Variants in NCOR2 observed in about 807,000 individuals in gnomAD.
The protein encoded by NCOR2 is nuclear receptor corepressor 2.
A neutral mutation model predicts 262.9 loss-of-function variants in NCOR2; 81 were observed. That is an observed-to-expected ratio of 0.31 (90% confidence interval 0.26 to 0.37). NCOR2 has a LOEUF of 0.37. NCOR2 is among the 10% of genes least tolerant of loss of function. The probability of loss-of-function intolerance (pLI) is 1.00; values close to 1 mark genes in which losing one functional copy is unlikely to be tolerated. For synonymous variants in NCOR2, 1,659 were observed against 1,559.3 expected (o/e 1.06, Z -1.51); for missense variants, 3,385 against 3,621.4 (o/e 0.93, Z 1.68).
chr12:124,330,721 C>A, intron 44 of NCOR2, 124 bp downstream of exon 46: 1 of 1,107,434 alleles, frequency 9.0e-7, no homozygotes, highest in Non-Finnish European at 1.3e-6. Context: ...GTTAGTTCAT[C>A]CCAGAATGAG....
chr12:124,466,352 A>G (rs1162982561), intron 4 of NCOR2, 66 bp from the exon 7 acceptor site: 3 of 1,481,972 alleles, frequency 2.0e-6, no homozygotes, highest in Middle Eastern at 2.0e-4. Context: ...TGCAGCCCCC[A>G]GGGCGCGGGG....
chr12:124,445,336 C>T (rs540364987), intron 7 of NCOR2, among the ~76,000 whole-genome samples: 43 of 152,322 alleles, frequency 2.8e-4, no homozygotes, highest in Non-Finnish European at 5.6e-4. Context: ...GCGGCTGCCC[C>T]GGCCCCGCCC....
At chr12:124,466,093 G>T in intron 5 of NCOR2, 80 bp downstream of exon 7, 1 of 1,335,388 alleles carries the variant, frequency 7.5e-7, no homozygotes. Context: ...TGGAAACACT[G>T]AGGCCTGATT....
At chr12:124,524,661 C>T (rs554035579) in intron 1 of NCOR2, among the ~76,000 whole-genome samples, 1 of 152,248 alleles carries the variant, frequency 6.6e-6, no homozygotes, top group Non-Finnish European at 1.5e-5. Flanking sequence ...TAGCCTAACT[C>T]GGCTCGAGTG....
At chr12:124,519,489 A>G (rs957294020) in intron 1 of NCOR2, among the ~76,000 whole-genome samples, 2 of 152,120 alleles carry the variant, frequency 1.3e-5, no homozygotes, top group Non-Finnish European at 2.9e-5. Context: ...GGCAGATGTG[A>G]AGGTCTGGAG....
intron 1 of NCOR2, among the ~76,000 whole-genome samples, chr12:124,565,171 G>T (rs1361513239): frequency 6.6e-6 from 1 of 152,166 alleles, no homozygotes; most frequent in Non-Finnish European, 1.5e-5. Context: ...CATTTACATG[G>T]ATTTATCAAT....
At chr12:124,489,622 GCCCCCT>G (rs1326398649) in intron 1 of NCOR2, among the ~76,000 whole-genome samples, 4 of 152,000 alleles carry the variant, frequency 2.6e-5, no homozygotes, top group Admixed American at 1.3e-4. Flanking sequence ...TTCAGGTGAT[GCCCCCT>G]GGCCTCAGAG....
intron 8 of NCOR2, among the ~76,000 whole-genome samples, chr12:124,431,082 T>C (rs12310972): frequency 3.7e-3 from 524 of 143,186 alleles, no homozygotes; most frequent in African/African-American, 0.014. Flanking sequence ...GACATGCACA[T>C]ACAGGCACAC....
chr12:124,398,078 A>G (rs2136185020), intron 16 of NCOR2, 41 bp downstream of exon 18: 5 of 1,612,282 alleles, frequency 3.1e-6, no homozygotes, highest in Non-Finnish European at 4.2e-6. Context: ...GGCGCCCTGG[A>G]TGCAAACCAA....
At chr12:124,409,710 C>G (rs1459834094) in intron 13 of NCOR2, among the ~76,000 whole-genome samples, 1 of 152,100 alleles carries the variant, frequency 6.6e-6, no homozygotes, top group Non-Finnish European at 1.5e-5. Context: ...GGGTCTTGCT[C>G]TGTTGCCCAG....
At chr12:124,391,490 C>T (rs2136148835) in intron 16 of NCOR2, among the ~76,000 whole-genome samples, 1 of 84,848 alleles carries the variant, frequency 1.2e-5, no homozygotes, top group African/African-American at 3.4e-5. Context: ...TTTCAGAAAC[C>T]CCAAGCCCTG....
rs1036292757 is a variant in NCOR2, at chr12:124,566,279, G to A, written c.-165+1029C>T. On this transcript the variant is annotated intron_variant, in intron 1 of 32. Transcript: ENST00000458234. This position sits in a 1 kb window ranked among gnomAD's most constrained non-coding sequence, Gnocchi z 4.3. ...CAGAACAGATCCGCCCCCGCTGCCTGCACCAGACCCTCGGAGAGCCGGAGC... is the reference window on the plus strand; with the variant it reads ...CAGAACAGATCCGCCCCCGCTGCCTACACCAGACCCTCGGAGAGCCGGAGC... 1.3e-5 allele frequency among the ~76,000 whole-genome samples: 2 copies of A among 152,240 alleles called. No homozygotes were observed. Among genetic ancestry groups the A allele is most frequent in the African/African-American group, 2.4e-5 (1 of 41,460 alleles).
At chr12:124,392,130 A>G (rs1051180344) in intron 16 of NCOR2, among the ~76,000 whole-genome samples, 1 of 152,150 alleles carries the variant, frequency 6.6e-6, no homozygotes, top group African/African-American at 2.4e-5. Context: ...TACCGCATCG[A>G]CCGCCAGGTG....
intron 21 of NCOR2, among the ~76,000 whole-genome samples, 193 bp downstream of exon 23, chr12:124,363,486 G>T (rs1462606585): frequency 6.6e-6 from 1 of 152,236 alleles, no homozygotes; most frequent in Admixed American, 6.5e-5. Flanking sequence ...CGCCTTCACT[G>T]GGAGCCCCAC....
intron 16 of NCOR2, among the ~76,000 whole-genome samples, chr12:124,397,267 C>G (rs966861372): frequency 7.2e-5 from 11 of 152,254 alleles, no homozygotes; most frequent in Admixed American, 1.3e-4. Context: ...AGATTCGCTC[C>G]CACTCAGCCC....
chr12:124,438,693 AC>A (rs2044533786), intron 7 of NCOR2, among the ~76,000 whole-genome samples: 1 of 151,836 alleles, frequency 6.6e-6, no homozygotes, highest in Non-Finnish European at 1.5e-5. Context: ...GGAGACAGAG[AC>A]CCAGAAAGAG....
At chr12:124,350,696 C>G (rs1236663114) in exon 28 of NCOR2, 1 of 1,613,366 alleles carries the variant, frequency 6.2e-7, no homozygotes, top group Non-Finnish European at 8.5e-7. Context: ...CGCCGATGAT[C>G]CTGGTGATGG....
chr12:124,350,601 ACGTGGCC>A lies in NCOR2; in HGVS notation c.3823_3829del (p.Gly1275SerfsTer10). 1 of 1,613,854 alleles carries A rather than the reference ACGTGGCC, an allele frequency of 6.2e-7. No homozygotes were observed. Among genetic ancestry groups the A allele is most frequent in the Non-Finnish European group, 8.5e-7 (1 of 1,179,906 alleles). On this transcript the variant is annotated frameshift_variant, in exon 28 of 47. Transcript: ENST00000405201. LOFTEE classifies it high-confidence loss of function. ...CTGCGACTCACCCTCATAGGACAAG[ACGTGGCC>A]CTTCTTGCCTTCGTAGATGACGTGG... is the stretch of plus-strand genomic sequence containing the variant.
intron 1 of NCOR2, among the ~76,000 whole-genome samples, chr12:124,565,868 G>A (rs2081218530): frequency 6.6e-6 from 1 of 152,154 alleles, no homozygotes; most frequent in Non-Finnish European, 1.5e-5. Flanking sequence ...GGTGCAGAGT[G>A]GGCCATCCCA....
Sources: allele counts gnomAD v4.1 joint callset (sites outside exome capture counted in the v4.1 genomes callset), GRCh38; gene constraint gnomAD v4.1.1; non-coding constraint Gnocchi (gnomAD v3.1); transcripts MANE v1.5; gene names NCBI Gene and HGNC (gene_info 2026-07-23, HGNC 2026-07-21).